The following FBXO36 variants were observed in gnomAD, a reference collection of about 807,000 sequenced individuals.
FBXO36 encodes F-box protein 36.
In FBXO36, 18 loss-of-function variants were observed where a neutral mutation model predicts 17.0. The ratio of observed to expected loss-of-function variants is 1.06; its 90% CI spans 0.73 to 1.57. The LOEUF is 1.57. FBXO36 is among the 40% of genes most tolerant of loss of function. The pLI, the probability that FBXO36 is intolerant of heterozygous loss-of-function variation, is 0.00. For missense variants in FBXO36, 229 were observed against 221.9 expected (o/e 1.03, Z -0.20); for synonymous variants, 83 against 85.3 (o/e 0.97, Z 0.15).
intron 2 of FBXO36, among the ~76,000 whole-genome samples, chr2:229,987,896 AGTGCTGG>A (rs1450248438): frequency 6.6e-6 from 1 of 152,140 alleles, no homozygotes; most frequent in Non-Finnish European, 1.5e-5. Context: ...GGCCTCCCAA[AGTGCTGG>A]GATTATAGAC....
intron 2 of FBXO36, among the ~76,000 whole-genome samples, chr2:229,989,819 C>A (rs559212252): frequency 6.6e-6 from 1 of 151,774 alleles, no homozygotes; most frequent in East Asian, 1.9e-4. Flanking sequence ...GTGATCCACC[C>A]GCCTCGGCCT....
At chr2:229,972,834 C>T (rs978222400) in intron 1 of FBXO36, among the ~76,000 whole-genome samples, 15 of 151,724 alleles carry the variant, frequency 9.9e-5, no homozygotes, top group South Asian at 8.3e-4. Flanking sequence ...GAGGCTGAGG[C>T]GGGAGGATCA....
intron 1 of FBXO36, among the ~76,000 whole-genome samples, chr2:229,975,266 A>G (rs1038562952): frequency 6.6e-6 from 1 of 151,894 alleles, no homozygotes; most frequent in Non-Finnish European, 1.5e-5. Flanking sequence ...TGCTTTCCCT[A>G]TCTCTGTCCA....
chr2:229,946,322 C>T (rs1164585658), intron 1 of FBXO36, among the ~76,000 whole-genome samples: 1 of 152,200 alleles, frequency 6.6e-6, no homozygotes, highest in Non-Finnish European at 1.5e-5. Context: ...CACCTCTATC[C>T]TTCATTCAGC....
chr2:230,006,813 G>A (rs1264043665), intron 3 of FBXO36, among the ~76,000 whole-genome samples: 1 of 152,190 alleles, frequency 6.6e-6, no homozygotes, highest in Non-Finnish European at 1.5e-5. Flanking sequence ...TGACGCCGTA[G>A]TATCGCTTCT....
intron 1 of FBXO36, among the ~76,000 whole-genome samples, chr2:229,929,455 A>G (rs537213645): frequency 6.6e-6 from 1 of 152,208 alleles, no homozygotes; most frequent in South Asian, 2.1e-4. Flanking sequence ...AGTCCCAGCT[A>G]CTGGGGAGGC....
chr2:229,925,119 T>C (rs573972194), intron 1 of FBXO36, among the ~76,000 whole-genome samples: 1 of 151,330 alleles, frequency 6.6e-6, no homozygotes, highest in Non-Finnish European at 1.5e-5. Flanking sequence ...TATTTATTTA[T>C]TTATTTTTTA....
At chr2:229,935,995 G>C (rs899074669) in intron 1 of FBXO36, among the ~76,000 whole-genome samples, 1 of 152,038 alleles carries the variant, frequency 6.6e-6, no homozygotes, top group South Asian at 2.1e-4. Context: ...CAAGATCAGC[G>C]TGGCCAACAT....
In FBXO36 at chr2:230,010,891, A is replaced by G. The variant is rs1323145042; in HGVS notation, c.*7A>G. 2.5e-6 allele frequency: 4 copies of G among 1,599,864 alleles called. No individual in the cohort carries two copies. The highest frequency in any genetic ancestry group is 2.3e-5 in the East Asian group (1 of 44,324). ...GAGAGAAAAGCAACCTTAGGCACAC[A>G]TTTTCCTACCAGCAGGGAGCTCAGG... is the stretch of plus-strand genomic sequence containing the variant. On this transcript the variant is annotated 3_prime_UTR_variant, in exon 4 of 4. Coordinates refer to ENST00000283946, the MANE Select transcript of FBXO36 (RefSeq NM_174899.5).
chr2:229,953,580 C>T (rs1254489079), intron 1 of FBXO36, among the ~76,000 whole-genome samples: 2 of 150,818 alleles, frequency 1.3e-5, no homozygotes, highest in South Asian at 4.2e-4. Context: ...TACTCAGAGG[C>T]TGAGTTGGGA....
At chr2:229,976,725 A>G in intron 2 of FBXO36, 1 of 167,488 alleles carries the variant, frequency 6.0e-6, no homozygotes, top group Non-Finnish European at 1.3e-5. Flanking sequence ...AGGCTGAGGC[A>G]GGAGAATCAC....
At chr2:229,933,257 A>G (rs1252442588) in intron 1 of FBXO36, among the ~76,000 whole-genome samples, 1 of 152,020 alleles carries the variant, frequency 6.6e-6, no homozygotes, top group Non-Finnish European at 1.5e-5. Flanking sequence ...GCGTGGCGGT[A>G]GAGTCCTATA....
intron 1 of FBXO36, among the ~76,000 whole-genome samples, chr2:229,933,288 T>A (rs947632767): frequency 2.0e-5 from 3 of 151,910 alleles, no homozygotes; most frequent in Admixed American, 6.6e-5. Flanking sequence ...CTCGGGAGAC[T>A]GAGGCAGGAG....
At chr2:229,946,904 T>C (rs964100829) in intron 1 of FBXO36, among the ~76,000 whole-genome samples, 4 of 152,202 alleles carry the variant, frequency 2.6e-5, no homozygotes, top group East Asian at 1.9e-4. Flanking sequence ...CTGTGGCTCA[T>C]GCCTATAATC....
At chr2:229,964,678 G>A (rs1325692113) in intron 1 of FBXO36, among the ~76,000 whole-genome samples, 6 of 152,160 alleles carry the variant, frequency 3.9e-5, no homozygotes, top group East Asian at 3.9e-4. Flanking sequence ...CTGCCACCAC[G>A]CCCGATTATT....
rs570685225 is a variant in FBXO36 at position 229,972,846 on chromosome 2, G to A, written c.97-3395G>A. On this transcript the variant is annotated intron_variant, in intron 1 of 3. Transcript: ENST00000283946. ...TGGGAGGCTGAGGCGGGAGGATCAC[G>A]AGGTCAGCAGTTCGAGACCAGCCTG... Among the ~76,000 whole-genome samples, 18 of 151,786 alleles carry A rather than the reference G, an allele frequency of 1.2e-4. No individual in the cohort carries two copies. The South Asian group carries it at 2.5e-3, about 21-fold the overall frequency.
At chr2:229,949,345 G>A (rs1255001583) in intron 1 of FBXO36, among the ~76,000 whole-genome samples, 1 of 152,162 alleles carries the variant, frequency 6.6e-6, no homozygotes, top group Non-Finnish European at 1.5e-5. Context: ...AGGGAGTGGA[G>A]AAGAGTAAAA....
At chr2:230,005,378 G>A (rs1259559267) in intron 3 of FBXO36, among the ~76,000 whole-genome samples, 2 of 152,100 alleles carry the variant, frequency 1.3e-5, no homozygotes, top group Admixed American at 1.3e-4. Flanking sequence ...TGGGATTACA[G>A]GTGTGAGCCA....
chr2:229,982,454 A>G (rs1159155762), intron 2 of FBXO36, among the ~76,000 whole-genome samples: 1 of 151,938 alleles, frequency 6.6e-6, no homozygotes, highest in African/African-American at 2.4e-5. Flanking sequence ...TTTCCCTTAT[A>G]AGGAACTTTG....
Sources: gnomAD v4.1 joint callset for allele counts (sites outside exome capture counted in the v4.1 genomes callset) on GRCh38, gnomAD v4.1.1 for gene constraint, MANE v1.5 for transcripts, NCBI Gene and HGNC (gene_info 2026-07-23, HGNC 2026-07-21) for gene names.